The following PON1 variants were observed in gnomAD, a reference collection of about 807,000 sequenced individuals.
The protein encoded by PON1 is serum paraoxonase/arylesterase 1.
In PON1, 37 loss-of-function variants were observed where a neutral mutation model predicts 39.2. That is an observed-to-expected ratio of 0.94 (90% CI 0.73 to 1.24). PON1 has a LOEUF of 1.24. Ranked by LOEUF, PON1 falls within the 50% of genes most tolerant of loss-of-function variation. The pLI is 0.00. For synonymous variants in PON1, 148 were observed against 152.2 expected, an observed-to-expected ratio of 0.97 and a Z score of 0.21; for missense variants, 397 against 413.5, an observed-to-expected ratio of 0.96 and a Z score of 0.35.
chr7:95,315,684 T>G (rs563563670), intron 3 of PON1, among the ~76,000 whole-genome samples, 194 bp from the exon 4 acceptor site: 1 of 152,234 alleles, frequency 6.6e-6, no homozygotes, highest in Admixed American at 6.5e-5. Flanking sequence ...CATGCTCCAC[T>G]AGGCCACCCC....
At chr7:95,302,415 TG>T in intron 7 of PON1, 82 bp from the exon 8 acceptor site, 1 of 1,326,252 alleles carries the variant, frequency 7.5e-7, no homozygotes. Flanking sequence ...AGAGAAAAGT[TG>T]CCTCTTGTCC....
intron 8 of PON1, among the ~76,000 whole-genome samples, chr7:95,299,947 G>A (rs1807384468): frequency 6.6e-6 from 1 of 152,056 alleles, no homozygotes. Context: ...CTAACTGGAT[G>A]TTTACACTTA....
intron 4 of PON1, among the ~76,000 whole-genome samples, chr7:95,314,217 A>G (rs1282051280): frequency 6.6e-6 from 1 of 152,062 alleles, no homozygotes; most frequent in Admixed American, 6.5e-5. Flanking sequence ...AAAATCAGCC[A>G]GGCATGGCGG....
chr7:95,318,413 A>G lies in PON1; in HGVS notation c.75-20T>C. 1 of 1,574,766 alleles carries G rather than the reference A, an allele frequency of 6.4e-7. No individual in the cohort carries two copies. The highest frequency in any genetic ancestry group is 8.7e-7 in the Non-Finnish European group (1 of 1,144,392). On this transcript the variant is annotated intron_variant, in intron 1 of 8. Transcript: ENST00000222381. ...CGTGTTCTGTGGGGGAGAAAGAAATAAAACACACACAAAACTATTCAGAAA... is the reference window on the plus strand; with the variant it reads ...CGTGTTCTGTGGGGGAGAAAGAAATGAAACACACACAAAACTATTCAGAAA...
At chr7:95,315,672 C>T (rs543079852) in intron 3 of PON1, among the ~76,000 whole-genome samples, 182 bp from the exon 4 acceptor site, 1 of 152,288 alleles carries the variant, frequency 6.6e-6, no homozygotes, top group South Asian at 2.1e-4. Context: ...TTCTGGAAGC[C>T]ACATGCTCCA....
At chr7:95,323,839 A>C (rs536612983) in intron 1 of PON1, among the ~76,000 whole-genome samples, 1 of 152,344 alleles carries the variant, frequency 6.6e-6, no homozygotes, top group Non-Finnish European at 1.5e-5. Context: ...CCAGGACATC[A>C]GATGCTGGCT....
At chr7:95,299,527 G>C (rs1374747112) in intron 8 of PON1, among the ~76,000 whole-genome samples, 3 of 152,066 alleles carry the variant, frequency 2.0e-5, no homozygotes, top group Non-Finnish European at 4.4e-5. Flanking sequence ...ATTAACATTT[G>C]AGTCAGTGGG....
At chr7:95,309,246 G>A (rs1320710502) in intron 5 of PON1, among the ~76,000 whole-genome samples, 1 of 151,142 alleles carries the variant, frequency 6.6e-6, no homozygotes, top group Admixed American at 6.6e-5. Context: ...GACAATGCCT[G>A]TTGTGTGCTT....
intron 8 of PON1, 83 bp downstream of exon 8, chr7:95,302,122 C>A (rs78989182): frequency 0.067 from 25,091 of 373,672 alleles, 1,284 homozygotes; most frequent in East Asian, 0.31. Context: ...AAAAAAAAAA[C>A]CAAGAATTGA....
At chr7:95,309,314 G>GAAA (rs199955176) in intron 5 of PON1, among the ~76,000 whole-genome samples, 58 of 139,168 alleles carry the variant, frequency 4.2e-4, no homozygotes, top group East Asian at 2.7e-3. Flanking sequence ...ATTACAACAT[G>GAAA]AAAAAAAAAA....
At chr7:95,318,651 C>T (rs558871260) in intron 1 of PON1, 1 of 417,596 alleles carries the variant, frequency 2.4e-6, no homozygotes, top group South Asian at 2.4e-5. Flanking sequence ...GCTCTGTGTA[C>T]TTTGGCAGGA....
rs1807582354 is a variant in PON1, at chr7:95,308,192, C to T, written c.517G>A (p.Val173Met). 6.2e-7 allele frequency: 1 copy of T among 1,613,620 alleles called. No individual in the cohort carries two copies. The highest frequency in any genetic ancestry group is 1.1e-5 in the South Asian group (1 of 91,080). ...GTGCCATAAAAGTGCTCAGGTCCCA[C>T]AGCAACAATATCATTCAAACTGCAA... ...LLPNLNDIVAVGPEHFYGTND... is the reference protein window; with the variant it reads ...LLPNLNDIVAMGPEHFYGTND... The change falls in exon 6 of 9, where the codon GTG (valine) becomes ATG (methionine). Residue 173 changes from valine to methionine, a missense_variant. By Grantham distance (21) the Val-to-Met change is conservative. Coordinates refer to ENST00000222381, the MANE Select transcript of PON1 (RefSeq NM_000446.7).
At chr7:95,319,127 T>G (rs1374510701) in intron 1 of PON1, among the ~76,000 whole-genome samples, 1 of 105,024 alleles carries the variant, frequency 9.5e-6, no homozygotes, top group Non-Finnish European at 2.0e-5. Flanking sequence ...ATTTAAACAA[T>G]AAACTTTTTT....
chr7:95,302,036 G>A (rs902247149), intron 8 of PON1, among the ~76,000 whole-genome samples, 169 bp downstream of exon 8: 1 of 140,476 alleles, frequency 7.1e-6, no homozygotes, highest in Non-Finnish European at 1.5e-5. Flanking sequence ...GGCGGAGCTT[G>A]CAGTGAGCCA....
intron 8 of PON1, among the ~76,000 whole-genome samples, chr7:95,301,416 G>C (rs1008431890): frequency 1.3e-5 from 2 of 152,172 alleles, no homozygotes; most frequent in South Asian, 4.1e-4. Context: ...CAGGAAGGGG[G>C]AGTTGAATAG....
chr7:95,299,838 C>G (rs1444704604), intron 8 of PON1, among the ~76,000 whole-genome samples: 1 of 152,056 alleles, frequency 6.6e-6, no homozygotes, highest in Non-Finnish European at 1.5e-5. Flanking sequence ...TTAGTTCTGT[C>G]CCTCTAGGGA....
At chr7:95,312,232 T>C (rs1030788345) in intron 4 of PON1, among the ~76,000 whole-genome samples, 1 of 152,208 alleles carries the variant, frequency 6.6e-6, no homozygotes, top group African/African-American at 2.4e-5. Context: ...TCACTCCTGT[T>C]GCCCAGGCTG....
chr7:95,308,466 G>C (rs1392217431), intron 5 of PON1, among the ~76,000 whole-genome samples: 1 of 145,528 alleles, frequency 6.9e-6, no homozygotes, highest in African/African-American at 2.6e-5. Context: ...TCTTAAAATA[G>C]TGTTACGTCG....
At position 95,305,961 on chromosome 7, in the gene PON1, AG is replaced by A. The variant is rs79065103; in HGVS notation, c.780+323del. On this transcript the variant is annotated intron_variant, in intron 7 of 8. Transcript: ENST00000222381. ...AAAGAAAAGGGAGGAGAGGGAAGGA[AG>A]GTGGAGGAGAGGGAGATCAGAAGAA... is the stretch of plus-strand genomic sequence containing the variant. Among the ~76,000 whole-genome samples the A allele has an allele frequency of 5.3e-4, 80 of 152,220 alleles. 1 individual carries two copies. In the East Asian group the frequency reaches 0.015, roughly 29 times the overall value.
Sources: gnomAD v4.1 joint callset for allele counts (sites outside exome capture counted in the v4.1 genomes callset) on GRCh38, gnomAD v4.1.1 for gene constraint, MANE v1.5 for transcripts, NCBI Gene and HGNC (gene_info 2026-07-23, HGNC 2026-07-21) for gene names.